EPB41L5: variants seen among roughly 807,000 people sequenced by gnomAD.
EPB41L5 encodes band 4.1-like protein 5.
Under a neutral mutation model 106.6 loss-of-function variants are expected in EPB41L5, and 55 were observed. That is an observed-to-expected ratio of 0.52 (90% CI 0.42 to 0.65). EPB41L5 has a LOEUF of 0.65. EPB41L5 is among the 30% of genes least tolerant of loss of function. The pLI, the probability that EPB41L5 is intolerant of heterozygous loss-of-function variation, is 0.00. For missense variants in EPB41L5, 871 were observed against 882.1 expected (o/e 0.99, Z 0.16); for synonymous variants, 297 against 306.7 (o/e 0.97, Z 0.33).
At chr2:120,081,964 A>C (rs537590994) in intron 10 of EPB41L5, among the ~76,000 whole-genome samples, 463 of 152,250 alleles carry the variant, frequency 3.0e-3, no homozygotes, top group South Asian at 4.4e-3. Flanking sequence ...GATTTTGTAT[A>C]CTGAGACTTT....
chr2:120,104,838 A>G, intron 16 of EPB41L5: 4 of 963,772 alleles, frequency 4.2e-6, no homozygotes, highest in Non-Finnish European at 4.9e-6. Context: ...TTTAGAGATC[A>G]CATTAATAAT....
chr2:120,128,794 G>A (rs1270498785), intron 17 of EPB41L5, among the ~76,000 whole-genome samples: 1 of 151,254 alleles, frequency 6.6e-6, no homozygotes, highest in Non-Finnish European at 1.5e-5. Context: ...TATTATATTG[G>A]TAATTTCAAA....
intron 1 of EPB41L5, 42 bp from the exon 2 acceptor site, chr2:120,019,035 C>T (rs1440075141): frequency 2.6e-6 from 4 of 1,526,818 alleles, no homozygotes; most frequent in Non-Finnish European, 2.7e-6. Flanking sequence ...TGGAGAATCT[C>T]ATTTTTTTCC....
At chr2:120,029,906 C>G (rs968609382) in intron 2 of EPB41L5, among the ~76,000 whole-genome samples, 1 of 152,182 alleles carries the variant, frequency 6.6e-6, no homozygotes, top group Non-Finnish European at 1.5e-5. Flanking sequence ...CCACGATGCC[C>G]GTCAGCAGGA....
chr2:120,166,425 C>G (rs1687413958), intron 22 of EPB41L5, among the ~76,000 whole-genome samples: 1 of 150,122 alleles, frequency 6.7e-6, no homozygotes, highest in Non-Finnish European at 1.5e-5. Context: ...TAACATGCAT[C>G]TAAAAAGTAT....
At chr2:120,138,284 G>A (rs1241303141) in intron 18 of EPB41L5, among the ~76,000 whole-genome samples, 2 of 151,918 alleles carry the variant, frequency 1.3e-5, no homozygotes, top group Non-Finnish European at 2.9e-5. Context: ...TTAAGATCTG[G>A]AAAAAGGCAA....
intron 21 of EPB41L5, among the ~76,000 whole-genome samples, chr2:120,162,138 A>G (rs1049684787): frequency 3.9e-5 from 6 of 152,190 alleles, no homozygotes; most frequent in Non-Finnish European, 5.9e-5. Flanking sequence ...AGTACCTGGT[A>G]CATAATAGGC....
chr2:120,074,158 C>G lies in EPB41L5; in HGVS notation c.387C>G (p.Asn129Lys). ...AGTTTTATTCCTCAGAACCAAATAA[C>G]CTTCGTGAGGAGCTAACCCGGTAAG... ...RVKFYSSEPN[N>K]LREELTRYLF... Residue 129 changes from asparagine (N) to lysine (K), a missense_variant, in exon 5 of 25, where the codon AAC becomes AAG. Asn to Lys is a moderately conservative substitution (Grantham distance 94). Transcript: ENST00000263713. 1 of 1,612,320 alleles carries G rather than the reference C, an allele frequency of 6.2e-7. No homozygotes were observed. The highest frequency in any genetic ancestry group is 1.7e-4 in the Middle Eastern group (1 of 6,044).
intron 14 of EPB41L5, among the ~76,000 whole-genome samples, chr2:120,097,784 A>G (rs967157156): frequency 1.2e-4 from 19 of 152,232 alleles, no homozygotes; most frequent in African/African-American, 4.6e-4. Context: ...ATAATTCAGT[A>G]ATTCCTTCAT....
At chr2:120,037,631 A>G (rs956769107) in intron 2 of EPB41L5, among the ~76,000 whole-genome samples, 5 of 152,132 alleles carry the variant, frequency 3.3e-5, no homozygotes, top group Non-Finnish European at 7.4e-5. Context: ...AGGCTGAGCA[A>G]CATAGCCAGA....
intron 2 of EPB41L5, among the ~76,000 whole-genome samples, chr2:120,032,201 C>T (rs1678758101): frequency 6.6e-6 from 1 of 151,826 alleles, no homozygotes; most frequent in Non-Finnish European, 1.5e-5. Context: ...GCCAACAAGG[C>T]GAAACTCCGT....
At chr2:120,144,468 ATCTT>A (rs1486842581) in intron 19 of EPB41L5, among the ~76,000 whole-genome samples, 1 of 152,182 alleles carries the variant, frequency 6.6e-6, no homozygotes, top group Non-Finnish European at 1.5e-5. Context: ...ATCATTTTGG[ATCTT>A]TCTTGACTTG....
intron 3 of EPB41L5, among the ~76,000 whole-genome samples, chr2:120,047,972 G>T (rs148454940): frequency 0.69 from 104,577 of 151,326 alleles, 37,503 homozygotes; most frequent in Non-Finnish European, 0.79. Context: ...TTTATTGATT[G>T]GCATATGTTG....
In EPB41L5 at chr2:120,091,071, G is replaced by A. The variant is rs931738461; in HGVS notation, c.1044-484G>A. ...TGATTGTGTGGAGTTAATAGAAGTA[G>A]TACTGTAGTCTACTTATATTAAAAG... On this transcript the variant is annotated intron_variant, in intron 12 of 24. Coordinates refer to ENST00000263713, the MANE Select transcript of EPB41L5 (RefSeq NM_020909.4). Among the ~76,000 whole-genome samples the A allele has an allele frequency of 2.0e-5, 3 of 152,222 alleles. No individual in the cohort carries two copies. In the East Asian group the frequency reaches 5.8e-4, roughly 29 times the overall value.
chr2:120,046,891 T>G (rs1339700369), intron 3 of EPB41L5, among the ~76,000 whole-genome samples: 2 of 152,218 alleles, frequency 1.3e-5, no homozygotes, highest in Non-Finnish European at 2.9e-5. Context: ...CTAGCCAGTT[T>G]TCCCAGCACC....
intron 3 of EPB41L5, among the ~76,000 whole-genome samples, chr2:120,065,359 G>A (rs537157336): frequency 5.9e-5 from 9 of 151,914 alleles, no homozygotes; most frequent in Non-Finnish European, 1.2e-4. Flanking sequence ...GGCCTCAAAC[G>A]ATGCCCCTGC....
intron 16 of EPB41L5, among the ~76,000 whole-genome samples, chr2:120,125,057 CATT>C (rs1685397330): frequency 1.3e-5 from 2 of 152,126 alleles, no homozygotes; most frequent in Non-Finnish European, 2.9e-5. Flanking sequence ...TGCCTGTATC[CATT>C]ATTAACTTGA....
In EPB41L5 at chr2:120,063,596, G is replaced by A. The variant is rs1338429275; in HGVS notation, c.286-9582G>A. ...TGTATACCAAACCCCCATGACATGC[G>A]ATTTACCTGTATAACAAACCTGCAC... On this transcript the variant is annotated intron_variant, in intron 3 of 24. Transcript: ENST00000263713. Among the ~76,000 whole-genome samples the A allele has an allele frequency of 2.8e-4, 42 of 151,836 alleles. 1 individual carries two copies. The highest frequency in any genetic ancestry group is 4.4e-5 in the Non-Finnish European group (3 of 67,972).
chr2:120,127,610 A>C (rs1393051053), intron 16 of EPB41L5, 78 bp from the exon 17 acceptor site: 5 of 1,140,932 alleles, frequency 4.4e-6, no homozygotes, highest in African/African-American at 3.1e-5. Context: ...TGGAAATTGC[A>C]GATACAGAGG....
Sources: gnomAD v4.1 joint callset for allele counts (sites outside exome capture counted in the v4.1 genomes callset) on GRCh38, gnomAD v4.1.1 for gene constraint, MANE v1.5 for transcripts, NCBI Gene and HGNC (gene_info 2026-07-23, HGNC 2026-07-21) for gene names.